COQ4: variants seen among roughly 807,000 people sequenced by gnomAD.
The protein encoded by COQ4 is coenzyme Q4.
In COQ4, 36 loss-of-function variants were observed where a neutral mutation model predicts 30.2. The ratio of observed to expected loss-of-function variants is 1.19; its 90% CI spans 0.91 to 1.57. The LOEUF is 1.57. Ranked by LOEUF, COQ4 falls within the 40% of genes most tolerant of loss-of-function variation. The pLI is 0.00. For missense variants in COQ4, 369 were observed against 371.9 expected, an observed-to-expected ratio of 0.99 and a Z score of 0.07; for synonymous variants, 197 against 161.0, an observed-to-expected ratio of 1.22 and a Z score of -1.69.
At chr9:128,326,124 G>A (rs1832316448) in intron 4 of COQ4, 2 of 575,494 alleles carry the variant, frequency 3.5e-6, no homozygotes, top group Non-Finnish European at 6.2e-6. Flanking sequence ...AGCCTCATCC[G>A]TGATCTTGCT....
At chr9:128,333,222 G>A (rs1832444145) in intron 6 of COQ4, among the ~76,000 whole-genome samples, 1 of 152,170 alleles carries the variant, frequency 6.6e-6, no homozygotes, top group Non-Finnish European at 1.5e-5. Context: ...TCAGTGGGAA[G>A]GCAGGTTGGT....
chr9:128,322,878 C>G lies in COQ4; in HGVS notation c.20C>G (p.Pro7Arg), dbSNP rs757859865. 2 of 1,583,904 alleles carry G rather than the reference C, an allele frequency of 1.3e-6. No individual in the cohort carries two copies. Among genetic ancestry groups the G allele is most frequent in the Non-Finnish European group, 8.6e-7 (1 of 1,169,136 alleles). Residue 7 changes from proline to arginine, a missense_variant, in exon 1 of 7, where the codon CCT (proline) becomes CGT (arginine). Pro to Arg is a moderately radical substitution (Grantham distance 103). Coordinates refer to ENST00000300452, the MANE Select transcript of COQ4 (RefSeq NM_016035.5). ...GCTGCCATGGCGACTCTGCTGCGCC[C>G]TGTCCTCCGTCGGCTCTGCGGGCTC... The part of the protein sequence containing the change: MATLLR[P>R]VLRRLCGLPG...
At chr9:128,327,821 C>A (rs890088333) in intron 4 of COQ4, among the ~76,000 whole-genome samples, 2 of 152,194 alleles carry the variant, frequency 1.3e-5, no homozygotes, top group African/African-American at 4.8e-5. Context: ...AAAAAGTATA[C>A]CAGCACTATT....
chr9:128,325,403 T>C (rs138064856), intron 3 of COQ4, among the ~76,000 whole-genome samples, 164 bp downstream of exon 3: 1 of 152,364 alleles, frequency 6.6e-6, no homozygotes, highest in East Asian at 1.9e-4. Flanking sequence ...GTCATTCACA[T>C]ACATGTGTAT....
At position 128,325,203 on chromosome 9, in the gene COQ4, A is replaced by G; in HGVS notation, c.263A>G (p.Gln88Arg). 6.2e-7 allele frequency: 1 copy of G among 1,614,140 alleles called. No individual in the cohort carries two copies. Among genetic ancestry groups the G allele is most frequent in the South Asian group, 1.1e-5 (1 of 91,074 alleles). Residue 88 changes from glutamine (Q) to arginine (R), a missense_variant, in exon 3 of 7, where the codon CAG (glutamine) becomes CGG (arginine). Gln to Arg is a conservative substitution (Grantham distance 43). Transcript: ENST00000300452. ...GHRTLKVLRD[Q>R]MRRDPEGAQI... is the part of the protein sequence containing the mutation. ...CGCACCCTGAAGGTCCTCAGGGACC[A>G]GATGAGGAGGGATCCAGAGGGTGCC...
rs950979136 is a variant in COQ4 at position 128,322,844 on chromosome 9, C to T, written c.-15C>T. The T allele has an allele frequency of 5.8e-6, 9 of 1,538,698 alleles. No homozygotes were observed. The highest frequency in any genetic ancestry group is 1.7e-4 in the Middle Eastern group (1 of 5,966). ...GTTCTTCGTACCCGCCCATCCTCCG[C>T]GGACGCCCGCTGCCATGGCGACTCT... is the stretch of plus-strand genomic sequence containing the variant. On this transcript the variant is annotated 5_prime_UTR_variant, in exon 1 of 7. Transcript: ENST00000300452.
At chr9:128,327,936 C>T (rs770439729) in intron 4 of COQ4, among the ~76,000 whole-genome samples, 3 of 152,226 alleles carry the variant, frequency 2.0e-5, no homozygotes, top group Non-Finnish European at 2.9e-5. Flanking sequence ...TAGAAGACAG[C>T]TTTGGTATTG....
At chr9:128,325,048 C>A in intron 2 of COQ4, 95 bp from the exon 3 acceptor site, 1 of 803,910 alleles carries the variant, frequency 1.2e-6, no homozygotes, top group Non-Finnish European at 2.1e-6. Context: ...TAGACATCAT[C>A]CCTAATTTAT....
Position 128,323,099 on chromosome 9 carries a change from T to C in COQ4, c.154T>C (p.Leu52=). ...LPTSPLQKGL[L]AAGSAAMALY... ...CACCTCCCCGCTGCAGAAAGGGCTG[T>C]TGGCCGCCGGCTCCGCGGCGATGGC... is the stretch of plus-strand genomic sequence containing the variant. Residue 52 remains leucine, a synonymous_variant, in exon 2 of 7, where the codon TTG becomes CTG. Transcript: ENST00000300452. The C allele has an allele frequency of 6.2e-7, 1 of 1,611,490 alleles. No individual in the cohort carries two copies. Among genetic ancestry groups the C allele is most frequent in the East Asian group, 2.2e-5 (1 of 44,860 alleles).
chr9:128,323,327 G>T (rs764996108), intron 2 of COQ4, 180 bp downstream of exon 2: 5 of 639,486 alleles, frequency 7.8e-6, no homozygotes, highest in African/African-American at 1.9e-5. Context: ...ATCTGAATCT[G>T]CAGTGGAGGG....
chr9:128,330,256 C>T (rs1382081700), intron 4 of COQ4, among the ~76,000 whole-genome samples: 1 of 151,046 alleles, frequency 6.6e-6, no homozygotes, highest in East Asian at 2.0e-4. Flanking sequence ...GCCTGTAATC[C>T]TAGCTACTCA....
In COQ4 at chr9:128,332,133, G is replaced by A. The variant is rs1212534877; in HGVS notation, c.403-20G>A. On this transcript the variant is annotated intron_variant, in intron 4 of 6. Coordinates refer to ENST00000300452, the MANE Select transcript of COQ4 (RefSeq NM_016035.5). ...TGGGAACCATCAGGAAGGGTTCTAG[G>A]GGAGGCTCATGGTTGTCAGAGGGTC... 1.9e-6 allele frequency: 3 copies of A among 1,555,290 alleles called. No individual in the cohort carries two copies. The highest frequency in any genetic ancestry group is 2.6e-6 in the Non-Finnish European group (3 of 1,149,006).
intron 5 of COQ4, 42 bp from the exon 6 acceptor site, chr9:128,332,808 T>G: frequency 6.9e-7 from 1 of 1,450,568 alleles, no homozygotes; most frequent in Non-Finnish European, 9.7e-7. Context: ...GGCCTTTCCT[T>G]CAGATAGCTT....
In COQ4 at chr9:128,332,208, C is replaced by T. The variant is rs757173567; in HGVS notation, c.458C>T (p.Ala153Val). 6.2e-6 allele frequency: 10 copies of T among 1,610,376 alleles called. No homozygotes were observed. Among genetic ancestry groups the T allele is most frequent in the Non-Finnish European group, 7.6e-6 (9 of 1,178,584 alleles). The change falls in exon 5 of 7, where the codon GCG (alanine) becomes GTG (valine). Residue 153 changes from alanine to valine, a missense_variant. Physicochemically the swap from Ala to Val is moderately conservative, Grantham distance 64. Coordinates refer to ENST00000300452, the MANE Select transcript of COQ4 (RefSeq NM_016035.5). The stretch of plus-strand genomic sequence containing the variant: ...CGCTTCGTGGATGATGAGGAGCTAG[C>T]GTATGTGATTCAGCGGTACCGGGAG... ...PTRFVDDEEL[A>V]YVIQRYREVH...
In COQ4 at chr9:128,332,904, T is replaced by C. The variant is rs1832438870; in HGVS notation, c.587T>C (p.Ile196Thr). ...EAVQTGLPMC[I>T]LGAFFGPIRL... ...GTCCAGACTGGCCTGCCCATGTGCATCCTGGGTGCATTCTTTGGACCGATC... is the reference window on the plus strand; with the variant it reads ...GTCCAGACTGGCCTGCCCATGTGCACCCTGGGTGCATTCTTTGGACCGATC... The change falls in exon 6 of 7, where the codon ATC becomes ACC. Residue 196 changes from isoleucine to threonine, a missense_variant. Transcript: ENST00000300452. 1 of 1,614,098 alleles carries C rather than the reference T, an allele frequency of 6.2e-7. No individual in the cohort carries two copies. The highest frequency in any genetic ancestry group is 1.3e-5 in the African/African-American group (1 of 74,938).
intron 3 of COQ4, 64 bp from the exon 4 acceptor site, chr9:128,325,715 C>A: frequency 7.8e-7 from 1 of 1,286,688 alleles, no homozygotes; most frequent in South Asian, 1.2e-5. Context: ...CCTCAGCTCG[C>A]TGTAGTTGGA....
At chr9:128,323,541 C>T (rs1395064320) in intron 2 of COQ4, 1 of 413,934 alleles carries the variant, frequency 2.4e-6, no homozygotes, top group Non-Finnish European at 4.2e-6. Context: ...GTGCCTGGCA[C>T]ATAGTAAATG....
At chr9:128,323,542 A>G (rs1832254780) in intron 2 of COQ4, 5 of 413,962 alleles carry the variant, frequency 1.2e-5, no homozygotes, top group Non-Finnish European at 1.7e-5. Flanking sequence ...TGCCTGGCAC[A>G]TAGTAAATGC....
chr9:128,322,986 T>G (rs1271428302), intron 1 of COQ4, 30 bp from the exon 2 acceptor site: 6 of 1,608,982 alleles, frequency 3.7e-6, no homozygotes, highest in Non-Finnish European at 3.4e-6. Flanking sequence ...GCCCGGCTCC[T>G]CTGACCTCGG....
Sources: allele counts gnomAD v4.1 joint callset (sites outside exome capture counted in the v4.1 genomes callset), GRCh38; gene constraint gnomAD v4.1.1; transcripts MANE v1.5; gene names NCBI Gene and HGNC (gene_info 2026-07-23, HGNC 2026-07-21).